The following SDK1 variants were observed in gnomAD, a reference collection of about 807,000 sequenced individuals.
The protein encoded by SDK1 is sidekick cell adhesion molecule 1, also known as protein sidekick-1.
SDK1 carries 157 observed loss-of-function variants against 245.5 expected under a neutral mutation model. The ratio of observed to expected loss-of-function variants is 0.64; its 90% confidence interval spans 0.56 to 0.73. SDK1 has a LOEUF of 0.73. Ranked by LOEUF, SDK1 falls within the 30% of genes least tolerant of loss-of-function variation. The probability of loss-of-function intolerance (pLI) is 0.00; values close to 1 mark genes in which losing one functional copy is unlikely to be tolerated. For missense variants in SDK1, 3,583 were observed against 3,002.3 expected, an observed-to-expected ratio of 1.19 and a Z score of -4.52; for synonymous variants, 1,647 against 1,278.5, an observed-to-expected ratio of 1.29 and a Z score of -6.15.
chr7:4,227,681 A>G (rs1019603192), intron 40 of SDK1, among the ~76,000 whole-genome samples: 1 of 152,264 alleles, frequency 6.6e-6, no homozygotes, highest in African/African-American at 2.4e-5. Context: ...TTAATTGTCC[A>G]TGAAATCAAA....
At chr7:3,359,208 G>A (rs1229590006) in intron 1 of SDK1, among the ~76,000 whole-genome samples, 1 of 152,070 alleles carries the variant, frequency 6.6e-6, no homozygotes, top group Non-Finnish European at 1.5e-5. Context: ...TGGTGTGTGG[G>A]CTGCCAAGTG....
rs1465974432 is a variant in SDK1, at chr7:4,178,554, G to A, written c.5066G>A (p.Ser1689Asn). Residue 1689 changes from serine (S) to asparagine (N), a missense_variant, in exon 35 of 45, where the codon AGC becomes AAC. Ser to Asn is a conservative substitution (Grantham distance 46). Transcript: ENST00000404826. ...AYNIIGESPA[S>N]APVEVFVGEA... is the part of the protein sequence containing the mutation. ...AACATCATCGGCGAGAGCCCAGCCAGCGCGCCCGTGGAGGTCTTTGTCGGC... is the reference window on the plus strand; with the variant it reads ...AACATCATCGGCGAGAGCCCAGCCAACGCGCCCGTGGAGGTCTTTGTCGGC... 1.9e-6 allele frequency: 3 copies of A among 1,613,138 alleles called. No homozygotes were observed. Among genetic ancestry groups the A allele is most frequent in the Non-Finnish European group, 2.5e-6 (3 of 1,179,958 alleles).
chr7:3,408,027 C>T (rs749793657), intron 1 of SDK1, among the ~76,000 whole-genome samples: 40 of 151,684 alleles, frequency 2.6e-4, no homozygotes, highest in Non-Finnish European at 4.6e-4. Context: ...AAATGGAGAA[C>T]GCCATAGTTC....
intron 4 of SDK1, among the ~76,000 whole-genome samples, chr7:3,683,232 T>G (rs1374674331): frequency 6.6e-6 from 1 of 152,196 alleles, no homozygotes; most frequent in Non-Finnish European, 1.5e-5. Context: ...ATCTGTGGTG[T>G]TTTCTGATGC....
intron 1 of SDK1, among the ~76,000 whole-genome samples, chr7:3,369,678 T>A (rs1245121973): frequency 2.0e-5 from 3 of 152,184 alleles, no homozygotes; most frequent in Admixed American, 6.5e-5. Context: ...CACTGAAGAG[T>A]TGACTTTAAA....
intron 4 of SDK1, among the ~76,000 whole-genome samples, chr7:3,804,879 G>C (rs1174895462): frequency 6.6e-6 from 1 of 152,174 alleles, no homozygotes; most frequent in East Asian, 1.9e-4. Context: ...ATACAATTGG[G>C]GGTGGAAGGA....
chr7:3,768,805 T>C (rs1459483986), intron 4 of SDK1, among the ~76,000 whole-genome samples: 2 of 152,218 alleles, frequency 1.3e-5, no homozygotes, highest in Non-Finnish European at 2.9e-5. Context: ...AGTCCCTTTC[T>C]CATTCTACCC....
chr7:3,913,186 C>T (rs1202983515), intron 5 of SDK1, among the ~76,000 whole-genome samples: 1 of 152,180 alleles, frequency 6.6e-6, no homozygotes, highest in Non-Finnish European at 1.5e-5. Context: ...GAAATGCCTC[C>T]AGCTCCTGGC....
intron 5 of SDK1, among the ~76,000 whole-genome samples, chr7:3,913,528 C>T (rs1216219719): frequency 2.0e-5 from 3 of 151,992 alleles, no homozygotes; most frequent in Admixed American, 6.6e-5. Flanking sequence ...CTCCTGACGT[C>T]GTGATCCACC....
intron 7 of SDK1, among the ~76,000 whole-genome samples, chr7:3,956,241 A>G (rs1010282120): frequency 6.6e-6 from 1 of 152,170 alleles, no homozygotes; most frequent in African/African-American, 2.4e-5. Flanking sequence ...TTGAGAGTCT[A>G]TGCACAGGAT....
At chr7:3,832,931 A>G (rs985185) in intron 5 of SDK1, among the ~76,000 whole-genome samples, 12,620 of 151,798 alleles carry the variant, frequency 0.083, 1,735 homozygotes, top group African/African-American at 0.28. Context: ...GTCAGTGTAA[A>G]CTGTTATTTT....
At chr7:4,016,676 T>C (rs1047202207) in intron 16 of SDK1, among the ~76,000 whole-genome samples, 15 of 152,188 alleles carry the variant, frequency 9.9e-5, no homozygotes, top group African/African-American at 3.6e-4. Flanking sequence ...TCAACACCTT[T>C]TCAAAGCCGC....
chr7:3,819,915 A>G (rs907789920), intron 4 of SDK1, among the ~76,000 whole-genome samples: 3 of 152,340 alleles, frequency 2.0e-5, no homozygotes, highest in South Asian at 2.1e-4. Flanking sequence ...CTCATTTTGC[A>G]TGCTTTTGAT....
At chr7:4,250,692 G>A (rs1334643791) in intron 44 of SDK1, among the ~76,000 whole-genome samples, 1 of 152,166 alleles carries the variant, frequency 6.6e-6, no homozygotes, top group Non-Finnish European at 1.5e-5. Flanking sequence ...CAGGCCAAAT[G>A]TCACAAGGGG....
rs182189597 is a variant in SDK1, at chr7:3,392,794, A to G, written c.298+90910A>G. ...ATATTATAGCATGTAACAGAACTTA[A>G]TTCCTTTTTTGGCTGAATAATAATA... On this transcript the variant is annotated intron_variant, in intron 1 of 44. Coordinates refer to ENST00000404826, the MANE Select transcript of SDK1 (RefSeq NM_152744.4). 4.1e-3 allele frequency among the ~76,000 whole-genome samples: 628 copies of G among 152,074 alleles called. 7 individuals carry two copies. The highest frequency in any genetic ancestry group is 0.018 in the South Asian group (86 of 4,798).
At chr7:4,259,978 C>G (rs1787877354) in intron 44 of SDK1, among the ~76,000 whole-genome samples, 1 of 152,226 alleles carries the variant, frequency 6.6e-6, no homozygotes, top group Non-Finnish European at 1.5e-5. Flanking sequence ...CAGCCAGTTG[C>G]AGAGATCATG....
chr7:3,941,911 T>TTC (rs1274700379), intron 5 of SDK1, among the ~76,000 whole-genome samples: 119 of 150,002 alleles, frequency 7.9e-4, no homozygotes, highest in African/African-American at 2.9e-3. Flanking sequence ...TTCATTCTTT[T>TTC]TTTTTTTTTT....
At position 4,258,348 on chromosome 7, in the gene SDK1, G is replaced by C. The variant is rs183231518; in HGVS notation, c.6382-6776G>C. ...GCCTGGCAGCTGCAGGAGGAGGGGT[G>C]GGCAGGGGTGTACACAGGGCAGAGA... On this transcript the variant is annotated intron_variant, in intron 44 of 44. Coordinates refer to ENST00000404826, the MANE Select transcript of SDK1 (RefSeq NM_152744.4). Among the ~76,000 whole-genome samples, 461 of 152,228 alleles carry C rather than the reference G, an allele frequency of 3.0e-3. 4 individuals carry two copies. Among genetic ancestry groups the C allele is most frequent in the African/African-American group, 0.011 (441 of 41,538 alleles).
chr7:3,523,686 C>G (rs1296670155), intron 1 of SDK1, among the ~76,000 whole-genome samples: 1 of 152,088 alleles, frequency 6.6e-6, no homozygotes, highest in Non-Finnish European at 1.5e-5. Context: ...GTCTGGGACT[C>G]CCAGCCTCCC....
Sources: allele counts gnomAD v4.1 joint callset (sites outside exome capture counted in the v4.1 genomes callset), GRCh38; gene constraint gnomAD v4.1.1; transcripts MANE v1.5; gene names NCBI Gene and HGNC (gene_info 2026-07-23, HGNC 2026-07-21).